Variants in CNIH3 observed in about 807,000 individuals in gnomAD.
The protein encoded by CNIH3 is protein cornichon homolog 3.
CNIH3 carries 14 observed loss-of-function variants against 24.1 expected under a neutral mutation model. The observed-to-expected ratio is 0.58, with a 90% confidence interval of 0.38 to 0.91. The LOEUF (loss-of-function observed/expected upper bound fraction) is 0.91, where lower values mean the gene tolerates loss of function less well. CNIH3 is among the 40% of genes least tolerant of loss of function. The pLI is 0.00. For missense variants in CNIH3, 178 were observed against 196.8 expected (o/e 0.90, Z 0.57); for synonymous variants, 68 against 73.8 (o/e 0.92, Z 0.40).
At chr1:224,672,491 A>T (rs975492923) in intron 1 of CNIH3, among the ~76,000 whole-genome samples, 1 of 152,190 alleles carries the variant, frequency 6.6e-6, no homozygotes, top group African/African-American at 2.4e-5. Flanking sequence ...CTGAAGACAG[A>T]TGGGCCATGT....
At chr1:224,454,559 G>T (rs1172197821) in intron 1 of CNIH3, among the ~76,000 whole-genome samples, 1 of 152,158 alleles carries the variant, frequency 6.6e-6, no homozygotes, top group African/African-American at 2.4e-5. Flanking sequence ...CTCAGAAGCT[G>T]CGTGGCTGCA....
At chr1:224,469,223 G>A (rs1389666280) in intron 1 of CNIH3, among the ~76,000 whole-genome samples, 1 of 152,030 alleles carries the variant, frequency 6.6e-6, no homozygotes, top group Non-Finnish European at 1.5e-5. Flanking sequence ...TGGAGCTTCA[G>A]GTGCATGCCA....
At chr1:224,582,184 T>G (rs1366117019) in intron 4 of CNIH3, among the ~76,000 whole-genome samples, 1 of 152,222 alleles carries the variant, frequency 6.6e-6, no homozygotes, top group Non-Finnish European at 1.5e-5. Context: ...GGGGTTCCCT[T>G]CATCCTTTCT....
intron 3 of CNIH3, among the ~76,000 whole-genome samples, chr1:224,598,908 A>G (rs1682096962): frequency 6.6e-6 from 1 of 152,168 alleles, no homozygotes; most frequent in Admixed American, 6.5e-5. Flanking sequence ...TCTGCAACCA[A>G]TCTCACAGTA....
chr1:224,496,258 T>C (rs752392443), intron 1 of CNIH3, among the ~76,000 whole-genome samples: 5 of 152,176 alleles, frequency 3.3e-5, no homozygotes, highest in Non-Finnish European at 5.9e-5. Flanking sequence ...GAGGGTCTAA[T>C]TGATCCATTC....
intron 1 of CNIH3, among the ~76,000 whole-genome samples, chr1:224,472,104 A>T (rs548576807): frequency 6.6e-6 from 1 of 152,198 alleles, no homozygotes; most frequent in South Asian, 2.1e-4. Flanking sequence ...GGATGTCTGG[A>T]TCATATGATA....
chr1:224,659,653 A>G (rs12125381), intron 1 of CNIH3, among the ~76,000 whole-genome samples: 6,299 of 152,330 alleles, frequency 0.041, 210 homozygotes, highest in East Asian at 0.14. Context: ...GAAGTTTGCC[A>G]GTTACATGGA....
In CNIH3 at chr1:224,717,316, CAGAGA is replaced by C. The variant is rs370071818; in HGVS notation, c.199-13138_199-13134del. Among the ~76,000 whole-genome samples, 459 of 152,298 alleles carry C rather than the reference CAGAGA, an allele frequency of 3.0e-3. 3 individuals carry two copies. Among genetic ancestry groups the C allele is most frequent in the African/African-American group, 0.01 (432 of 41,550 alleles). Reference sequence around the variant, plus strand: ...ACCTTCTCACTGTATCCTCACATGGCAGAGAAGAGAAGCTTGCTCCTTAGTGTCTT... The same window carrying C: ...ACCTTCTCACTGTATCCTCACATGGCAGAGAAGCTTGCTCCTTAGTGTCTT... On this transcript the variant is annotated intron_variant, in intron 3 of 5. Transcript: ENST00000272133.
intron 4 of CNIH3, among the ~76,000 whole-genome samples, chr1:224,572,351 A>C (rs1680853655): frequency 1.3e-5 from 2 of 152,092 alleles, no homozygotes; most frequent in African/African-American, 4.8e-5. Context: ...CCCTGTCTCT[A>C]CTAAAAATAC....
intron 1 of CNIH3, among the ~76,000 whole-genome samples, chr1:224,482,997 G>T (rs1301347281): frequency 6.6e-6 from 1 of 152,160 alleles, no homozygotes; most frequent in African/African-American, 2.4e-5. Context: ...GTTCTGCCCA[G>T]TGTTGGCAGT....
At chr1:224,443,573 T>C (rs1675008813) in intron 1 of CNIH3, among the ~76,000 whole-genome samples, 1 of 152,014 alleles carries the variant, frequency 6.6e-6, no homozygotes, top group Non-Finnish European at 1.5e-5. Flanking sequence ...GTCTTCTGTT[T>C]TAGACAAAGC....
intron 3 of CNIH3, among the ~76,000 whole-genome samples, chr1:224,548,886 A>C (rs1305651774): frequency 6.6e-6 from 1 of 151,872 alleles, no homozygotes; most frequent in Non-Finnish European, 1.5e-5. Flanking sequence ...TCCCAGGGAG[A>C]TACTACTTGT....
At chr1:224,494,449 A>T (rs1046238092) in intron 1 of CNIH3, among the ~76,000 whole-genome samples, 8 of 152,178 alleles carry the variant, frequency 5.3e-5, no homozygotes, top group African/African-American at 1.9e-4. Context: ...CTCAGCCTAC[A>T]TCTTGGAAGC....
rs143881267 is a variant in CNIH3 at position 224,630,485 on chromosome 1, A to G, written c.81+13230A>G. Among the ~76,000 whole-genome samples, 633 of 152,234 alleles carry G rather than the reference A, an allele frequency of 4.2e-3. 7 individuals are homozygous for G. Among genetic ancestry groups the G allele is most frequent in the African/African-American group, 0.014 (602 of 41,568 alleles). ...AAAACAACCAGATTTGTAAAAAGGT[A>G]GTTTCTCTCTCACACATGTACACAA... On this transcript the variant is annotated intron_variant, in intron 1 of 5. Transcript: ENST00000272133.
At chr1:224,698,197 A>G (rs565940545) in intron 3 of CNIH3, among the ~76,000 whole-genome samples, 1 of 152,362 alleles carries the variant, frequency 6.6e-6, no homozygotes, top group East Asian at 1.9e-4. Flanking sequence ...AGACAAGAAA[A>G]TGCACTGAAT....
intron 1 of CNIH3, among the ~76,000 whole-genome samples, chr1:224,456,396 T>G (rs927895957): frequency 3.9e-5 from 6 of 152,124 alleles, no homozygotes; most frequent in African/African-American, 1.4e-4. Flanking sequence ...ATGTAAAGAT[T>G]CCCCTTTCTT....
chr1:224,535,208 C>T (rs745512123), intron 2 of CNIH3, among the ~76,000 whole-genome samples: 7 of 152,112 alleles, frequency 4.6e-5, no homozygotes, highest in Admixed American at 2.0e-4. Context: ...TGGACGTAGA[C>T]GCAGCGAGGA....
chr1:224,443,329 A>G (rs1025040056), intron 1 of CNIH3, among the ~76,000 whole-genome samples: 2 of 152,136 alleles, frequency 1.3e-5, no homozygotes, highest in Non-Finnish European at 2.9e-5. Flanking sequence ...CATCTATCTA[A>G]TGAGGGTTTC....
intron 1 of CNIH3, among the ~76,000 whole-genome samples, chr1:224,650,512 A>G (rs144032666): frequency 1.3e-5 from 2 of 151,730 alleles, no homozygotes; most frequent in Non-Finnish European, 2.9e-5. Flanking sequence ...CTCACACAGG[A>G]TAGCAGCCCC....
Sources: allele counts gnomAD v4.1 joint callset (sites outside exome capture counted in the v4.1 genomes callset), GRCh38; gene constraint gnomAD v4.1.1; transcripts MANE v1.5; gene names NCBI Gene and HGNC (gene_info 2026-07-23, HGNC 2026-07-21).